The following SLC24A2 variants were observed in gnomAD, a reference collection of about 807,000 sequenced individuals.
SLC24A2 encodes solute carrier family 24 member 2.
Under a neutral mutation model 62.0 loss-of-function variants are expected in SLC24A2, and 36 were observed. That is an observed-to-expected ratio of 0.58 (90% CI 0.44 to 0.77). The LOEUF is 0.77. Among genes scored for constraint, SLC24A2 ranks in the 30% least tolerant of loss-of-function variants. SLC24A2 has a pLI of 0.00. For missense variants in SLC24A2, 846 were observed against 817.9 expected (o/e 1.03, Z -0.42); for synonymous variants, 358 against 294.0 (o/e 1.22, Z -2.23).
the SLC24A2 span, among the ~76,000 whole-genome samples, chr9:20,227,111 G>A: frequency 5.3e-5 from 8 of 152,142 alleles, no homozygotes; most frequent in African/African-American, 1.7e-4. Flanking sequence ...TTATGCTCTC[G>A]TTGGCTCTGA....
the SLC24A2 span, among the ~76,000 whole-genome samples, chr9:19,953,976 A>G: frequency 6.6e-6 from 1 of 152,078 alleles, no homozygotes; most frequent in Non-Finnish European, 1.5e-5. Context: ...TCCTAAAAAA[A>G]AAAAAGTATC....
intron 2 of SLC24A2, among the ~76,000 whole-genome samples, chr9:19,680,729 CA>C (rs1348480969): frequency 6.6e-6 from 1 of 151,924 alleles, no homozygotes; most frequent in Non-Finnish European, 1.5e-5. Context: ...TCATGGCTTC[CA>C]AACATTTGAA....
At chr9:20,123,799 CTT>C in the SLC24A2 span, among the ~76,000 whole-genome samples, 1 of 152,238 alleles carries the variant, frequency 6.6e-6, no homozygotes, top group East Asian at 1.9e-4. Context: ...TTTCCACTCT[CTT>C]GTTTTAGATA....
At chr9:20,112,227 A>T in the SLC24A2 span, among the ~76,000 whole-genome samples, 1 of 152,216 alleles carries the variant, frequency 6.6e-6, no homozygotes, top group Admixed American at 6.6e-5. Flanking sequence ...CTGAAGGAAA[A>T]AAAAGAACAT....
the SLC24A2 span, among the ~76,000 whole-genome samples, chr9:19,858,466 C>A: frequency 1.6e-4 from 25 of 152,176 alleles, no homozygotes; most frequent in African/African-American, 5.8e-4. Context: ...GACCAAGATG[C>A]CAAAAGCAAT....
intron 2 of SLC24A2, among the ~76,000 whole-genome samples, chr9:19,666,158 C>T (rs559229670): frequency 6.6e-5 from 10 of 152,238 alleles, no homozygotes; most frequent in African/African-American, 2.4e-4. Flanking sequence ...GTAATCCCAG[C>T]ACTTTGAGAG....
the SLC24A2 span, among the ~76,000 whole-genome samples, chr9:20,077,633 G>A: frequency 6.6e-6 from 1 of 151,958 alleles, no homozygotes; most frequent in African/African-American, 2.4e-5. Context: ...GTGCCTCTAG[G>A]GTCTCATACT....
the SLC24A2 span, among the ~76,000 whole-genome samples, chr9:20,249,792 T>C: frequency 1.3e-4 from 19 of 151,956 alleles, no homozygotes; most frequent in Admixed American, 1.2e-3. Context: ...ATCATGACTA[T>C]TATTATTTAT....
the SLC24A2 span, among the ~76,000 whole-genome samples, chr9:19,828,124 T>C: frequency 6.6e-6 from 1 of 152,196 alleles, no homozygotes. Context: ...GCAGGCACTT[T>C]GGTAGATTGG....
the SLC24A2 span, among the ~76,000 whole-genome samples, chr9:20,259,550 G>T: frequency 3.9e-5 from 6 of 152,152 alleles, no homozygotes; most frequent in Non-Finnish European, 8.8e-5. Flanking sequence ...GCTCCTCAAA[G>T]AATGAATGAG....
At chr9:19,764,386 G>A (rs546999434) in intron 2 of SLC24A2, among the ~76,000 whole-genome samples, 3 of 152,238 alleles carry the variant, frequency 2.0e-5, no homozygotes, top group African/African-American at 7.2e-5. Flanking sequence ...TCTTTTAACT[G>A]TGATGTTAGA....
At chr9:19,802,156 C>G in the SLC24A2 span, among the ~76,000 whole-genome samples, 1 of 152,202 alleles carries the variant, frequency 6.6e-6, no homozygotes, top group Non-Finnish European at 1.5e-5. Flanking sequence ...CCTGCCACAA[C>G]ATCTAAGAAA....
At chr9:19,867,895 G>A in the SLC24A2 span, among the ~76,000 whole-genome samples, 2 of 152,052 alleles carry the variant, frequency 1.3e-5, no homozygotes, top group Non-Finnish European at 1.5e-5. Context: ...GCAACAGAGC[G>A]AGACTCTGTC....
At chr9:20,182,038 C>G in the SLC24A2 span, among the ~76,000 whole-genome samples, 1 of 152,202 alleles carries the variant, frequency 6.6e-6, no homozygotes, top group Non-Finnish European at 1.5e-5. Flanking sequence ...TGCTCATCAT[C>G]ACTGGTTATT....
At chr9:19,855,168 T>G in the SLC24A2 span, among the ~76,000 whole-genome samples, 194 of 152,318 alleles carry the variant, frequency 1.3e-3, no homozygotes, top group African/African-American at 4.5e-3. Context: ...CTCTTTATTT[T>G]GAGCCTATGG....
the SLC24A2 span, among the ~76,000 whole-genome samples, chr9:20,177,141 T>C: frequency 2.0e-5 from 3 of 152,150 alleles, no homozygotes; most frequent in Non-Finnish European, 4.4e-5. Flanking sequence ...AGTTTTTTAC[T>C]TTTACTTATT....
chr9:19,974,958 G>A, the SLC24A2 span, among the ~76,000 whole-genome samples: 1 of 152,172 alleles, frequency 6.6e-6, no homozygotes, highest in Non-Finnish European at 1.5e-5. Context: ...TAAGCAGGAA[G>A]GATGGGAGGA....
chr9:19,652,919 C>T (rs1300055295), intron 2 of SLC24A2, among the ~76,000 whole-genome samples: 3 of 148,016 alleles, frequency 2.0e-5, no homozygotes, highest in Non-Finnish European at 4.5e-5. Flanking sequence ...AACGATGAGA[C>T]AAACCTTCTC....
At chr9:19,765,369 T>G (rs867647754) in intron 2 of SLC24A2, among the ~76,000 whole-genome samples, 3 of 152,174 alleles carry the variant, frequency 2.0e-5, no homozygotes, top group South Asian at 2.1e-4. Context: ...TGCCCATTAG[T>G]TGATGCAGTT....
Sources: allele counts gnomAD v4.1 joint callset (sites outside exome capture counted in the v4.1 genomes callset), GRCh38; gene constraint gnomAD v4.1.1; transcripts MANE v1.5; gene names NCBI Gene and HGNC (gene_info 2026-07-23, HGNC 2026-07-21).